The following ADAMTS17 variants were observed in gnomAD, a reference collection of about 807,000 sequenced individuals.
ADAMTS17 encodes the protein A disintegrin and metalloproteinase with thrombospondin motifs 17.
ADAMTS17 carries 113 observed loss-of-function variants against 141.5 expected under a neutral mutation model. That is an observed-to-expected ratio of 0.80 (90% CI 0.69 to 0.93). The LOEUF (loss-of-function observed/expected upper bound fraction) is 0.93. ADAMTS17 is among the 40% of genes least tolerant of loss of function. The pLI, the probability that ADAMTS17 is intolerant of heterozygous loss-of-function variation, is 0.00. For synonymous variants in ADAMTS17, 768 were observed against 630.6 expected (o/e 1.22, Z -3.27); for missense variants, 1,659 against 1,517.9 (o/e 1.09, Z -1.54).
At position 100,241,948 on chromosome 15, in the gene ADAMTS17, C is replaced by T. The variant is rs1337127782; in HGVS notation, c.1075+12188G>A. ...TCTCTGGTAGAGCAGCCCAAAAGATCGCCCTGACATAACCTTCCTTCCCGT... is the reference window on the plus strand; with the variant it reads ...TCTCTGGTAGAGCAGCCCAAAAGATTGCCCTGACATAACCTTCCTTCCCGT... On this transcript the variant is annotated intron_variant, in intron 7 of 21. Transcript: ENST00000268070. Among the ~76,000 whole-genome samples the T allele has an allele frequency of 3.3e-5, 5 of 152,288 alleles. 1 individual carries two copies. The East Asian group carries it at 5.8e-4, about 18-fold the overall frequency.
chr15:100,283,089 G>A (rs900282324), intron 3 of ADAMTS17, among the ~76,000 whole-genome samples: 2 of 152,142 alleles, frequency 1.3e-5, no homozygotes, highest in Non-Finnish European at 2.9e-5. Context: ...AAAAACACAG[G>A]CATCACTTTT....
chr15:100,089,252 C>T (rs2035299060), intron 15 of ADAMTS17, among the ~76,000 whole-genome samples: 1 of 133,360 alleles, frequency 7.5e-6, no homozygotes, highest in Non-Finnish European at 1.5e-5. Context: ...TCATCACTGG[C>T]CATCAGAGAA....
chr15:100,283,824 C>T (rs1324694849), intron 3 of ADAMTS17, among the ~76,000 whole-genome samples: 1 of 152,192 alleles, frequency 6.6e-6, no homozygotes, highest in Non-Finnish European at 1.5e-5. Context: ...TCCTGCACTG[C>T]ACTGGGTACA....
chr15:100,166,960 T>C (rs1276337811), intron 8 of ADAMTS17, among the ~76,000 whole-genome samples: 5 of 152,234 alleles, frequency 3.3e-5, no homozygotes, highest in South Asian at 4.1e-4. Context: ...TATTGGTATG[T>C]AGCCTAGGCC....
chr15:100,177,367 T>C (rs997289930), intron 8 of ADAMTS17, among the ~76,000 whole-genome samples: 5 of 152,240 alleles, frequency 3.3e-5, no homozygotes, highest in Admixed American at 6.5e-5. Flanking sequence ...TTCCGTTCTA[T>C]GTATTTTTTA....
chr15:100,197,830 A>T (rs374990137), intron 8 of ADAMTS17, among the ~76,000 whole-genome samples: 1 of 152,224 alleles, frequency 6.6e-6, no homozygotes, highest in Admixed American at 6.5e-5. Flanking sequence ...AAACAACAAC[A>T]AAAACATGCA....
At chr15:100,138,890 TA>T (rs1245136354) in intron 10 of ADAMTS17, among the ~76,000 whole-genome samples, 4 of 152,292 alleles carry the variant, frequency 2.6e-5, no homozygotes, top group African/African-American at 9.6e-5. Flanking sequence ...ACTTGCCTTT[TA>T]AAAAAATTTA....
At chr15:100,140,480 C>CATATATATATATATATATAT (rs1466321506) in intron 10 of ADAMTS17, among the ~76,000 whole-genome samples, 1 of 53,806 alleles carries the variant, frequency 1.9e-5, no homozygotes, top group Non-Finnish European at 4.8e-5. Flanking sequence ...GACACACACA[C>CATATATATATATATATATAT]ATACATACAT....
intron 15 of ADAMTS17, among the ~76,000 whole-genome samples, chr15:100,088,752 TTTAA>T (rs2035265824): frequency 6.6e-6 from 1 of 152,238 alleles, no homozygotes; most frequent in Non-Finnish European, 1.5e-5. Context: ...GGATTCCCTA[TTTAA>T]TTAATGGTGC....
At position 100,261,645 on chromosome 15, in the gene ADAMTS17, A is replaced by T; in HGVS notation, c.874-9T>A. 3.7e-6 allele frequency: 6 copies of T among 1,613,096 alleles called. No homozygotes were observed. The highest frequency in any genetic ancestry group is 5.1e-6 in the Non-Finnish European group (6 of 1,179,542). The stretch of plus-strand genomic sequence containing the variant: ...CCAATGGACAACTTAGCCTAAAAAA[A>T]GTCAGAGGACAGTTAGAGAAACAAA... On this transcript the variant is annotated splice_polypyrimidine_tract_variant and intron_variant, in intron 5 of 21. Coordinates refer to ENST00000268070, the MANE Select transcript of ADAMTS17 (RefSeq NM_139057.4).
At chr15:100,251,486 G>A (rs1328528590) in intron 7 of ADAMTS17, among the ~76,000 whole-genome samples, 1 of 152,254 alleles carries the variant, frequency 6.6e-6, no homozygotes, top group African/African-American at 2.4e-5. Context: ...AGCACTCTGG[G>A]AGGCCGAGGC....
At chr15:100,269,779 T>G (rs1320751883) in intron 4 of ADAMTS17, among the ~76,000 whole-genome samples, 1 of 152,198 alleles carries the variant, frequency 6.6e-6, no homozygotes, top group Non-Finnish European at 1.5e-5. Context: ...TCATCTCTCC[T>G]GCTTCCTGGC....
chr15:100,242,868 G>A (rs1013814004), intron 7 of ADAMTS17, among the ~76,000 whole-genome samples: 2 of 152,078 alleles, frequency 1.3e-5, no homozygotes, highest in African/African-American at 2.4e-5. Context: ...TTAAGTGTAC[G>A]GTTCCGTGGC....
chr15:100,052,430 G>T (rs1431108259), intron 16 of ADAMTS17, among the ~76,000 whole-genome samples: 1 of 152,200 alleles, frequency 6.6e-6, no homozygotes, highest in Non-Finnish European at 1.5e-5. Flanking sequence ...TTAAGCGAGG[G>T]CTGAAACTTC....
At chr15:100,132,898 G>A (rs950835952) in intron 11 of ADAMTS17, among the ~76,000 whole-genome samples, 3 of 152,216 alleles carry the variant, frequency 2.0e-5, no homozygotes. Context: ...AGCCTACTGT[G>A]TATGGCAGGT....
At chr15:100,115,667 G>A (rs945519895) in intron 13 of ADAMTS17, among the ~76,000 whole-genome samples, 3 of 152,162 alleles carry the variant, frequency 2.0e-5, no homozygotes, top group Admixed American at 6.5e-5. Context: ...CTGAACTTGC[G>A]ACAGCAGAAG....
In ADAMTS17 at chr15:100,221,404, C is replaced by T. The variant is rs115173369; in HGVS notation, c.1076-21981G>A. Among the ~76,000 whole-genome samples the T allele has an allele frequency of 4.6e-3, 703 of 152,120 alleles. 11 individuals are homozygous for T. Among genetic ancestry groups the T allele is most frequent in the African/African-American group, 0.017 (690 of 41,482 alleles). ...GCTACAGTAGTGGACAGCTCATACA[C>T]TCATATAAGGTGGTAATCTGCACTA... On this transcript the variant is annotated intron_variant, in intron 7 of 21. Coordinates refer to ENST00000268070, the MANE Select transcript of ADAMTS17 (RefSeq NM_139057.4).
chr15:100,223,078 C>T (rs919756863), intron 7 of ADAMTS17, among the ~76,000 whole-genome samples: 1 of 152,196 alleles, frequency 6.6e-6, no homozygotes, highest in Non-Finnish European at 1.5e-5. Context: ...AGGAACATTT[C>T]AGTTTTCTCT....
intron 7 of ADAMTS17, among the ~76,000 whole-genome samples, chr15:100,205,616 G>A (rs148415174): frequency 8.6e-4 from 131 of 152,266 alleles, no homozygotes; most frequent in African/African-American, 2.9e-3. Context: ...AGGCCCTGAT[G>A]CCCACCAGAA....
Sources: gnomAD v4.1 joint callset for allele counts (sites outside exome capture counted in the v4.1 genomes callset) on GRCh38, gnomAD v4.1.1 for gene constraint, MANE v1.5 for transcripts, NCBI Gene and HGNC (gene_info 2026-07-23, HGNC 2026-07-21) for gene names.